The following CDH10 variants were observed in gnomAD, a reference collection of about 807,000 sequenced individuals.
The protein encoded by CDH10 is cadherin 10.
Under a neutral mutation model 73.1 loss-of-function variants are expected in CDH10, and 30 were observed. The observed-to-expected ratio is 0.41, with a 90% CI of 0.31 to 0.56. CDH10 has a LOEUF of 0.56. Ranked by LOEUF, CDH10 falls within the 20% of genes least tolerant of loss-of-function variation. The pLI is 0.27. For missense variants in CDH10, 815 were observed against 973.7 expected, an observed-to-expected ratio of 0.84 and a Z score of 2.17; for synonymous variants, 345 against 348.2, an observed-to-expected ratio of 0.99 and a Z score of 0.10.
At chr5:24,558,036 T>C (rs1339993842) in intron 2 of CDH10, among the ~76,000 whole-genome samples, 2 of 151,690 alleles carry the variant, frequency 1.3e-5, no homozygotes, top group Non-Finnish European at 3.0e-5. Context: ...CTATTAGAAT[T>C]CCAAGTGATA....
rs1744004843 is a variant in CDH10, at chr5:24,537,587, T to C, written c.319A>G (p.Lys107Glu). The C allele has an allele frequency of 1.2e-6, 2 of 1,609,974 alleles. No homozygotes were observed. Among genetic ancestry groups the C allele is most frequent in the East Asian group, 2.2e-5 (1 of 44,812 alleles). The change falls in exon 3 of 12, where the codon AAA becomes GAA. Residue 107 changes from lysine (K) to glutamate (E), a missense_variant. This residue lies in a region of CDH10 where 516 missense variants were observed against 636.6 expected (regional missense o/e 0.81). Coordinates refer to ENST00000264463, the MANE Select transcript of CDH10 (RefSeq NM_006727.5). ...GAGTLFIIDE[K>E]TGDIHATRRI... ...CTTGTGGCATGAATATCACCTGTTTTTTCATCAATAATAAAAAGAGTACCA... is the reference window on the plus strand; with the variant it reads ...CTTGTGGCATGAATATCACCTGTTTCTTCATCAATAATAAAAAGAGTACCA...
intron 1 of CDH10, among the ~76,000 whole-genome samples, chr5:24,610,513 A>G (rs1746907413): frequency 6.6e-6 from 1 of 152,188 alleles, no homozygotes; most frequent in South Asian, 2.1e-4. Context: ...CTCTATTTCA[A>G]AATACACATG....
intron 2 of CDH10, among the ~76,000 whole-genome samples, chr5:24,584,029 A>C (rs1003229561): frequency 6.6e-6 from 1 of 152,190 alleles, no homozygotes; most frequent in African/African-American, 2.4e-5. Context: ...CCATTTTTAC[A>C]ACTTTCTTGA....
chr5:24,510,833 T>G (rs1742877550), intron 6 of CDH10, among the ~76,000 whole-genome samples: 1 of 152,214 alleles, frequency 6.6e-6, no homozygotes, highest in African/African-American at 2.4e-5. Context: ...TGAGCATATG[T>G]TAGCAGAAGA....
chr5:24,545,317 T>C (rs545665937), intron 2 of CDH10, among the ~76,000 whole-genome samples: 4 of 152,352 alleles, frequency 2.6e-5, no homozygotes, highest in Admixed American at 1.3e-4. Context: ...CACAGGTGTC[T>C]AGGAAGTTGT....
intron 1 of CDH10, among the ~76,000 whole-genome samples, chr5:24,620,776 C>T (rs1465436916): frequency 6.6e-6 from 1 of 151,868 alleles, no homozygotes. Context: ...TAAGCGGTGC[C>T]CATACCAGTC....
chr5:24,573,464 G>T (rs1365358923), intron 2 of CDH10, among the ~76,000 whole-genome samples: 1 of 151,956 alleles, frequency 6.6e-6, no homozygotes, highest in East Asian at 1.9e-4. Context: ...CACTTTGGGA[G>T]GCCGAGGCAG....
chr5:24,618,967 A>T (rs1314927410), intron 1 of CDH10, among the ~76,000 whole-genome samples: 1 of 152,204 alleles, frequency 6.6e-6, no homozygotes, highest in Non-Finnish European at 1.5e-5. Context: ...AATGTGTTCT[A>T]TAGTATCATT....
rs530054050 is a variant in CDH10 at position 24,627,146 on chromosome 5, A to G, written c.-124+17448T>C. Among the ~76,000 whole-genome samples, 3 of 152,058 alleles carry G rather than the reference A, an allele frequency of 2.0e-5. No individual in the cohort carries two copies. The South Asian group carries it at 6.2e-4, about 32-fold the overall frequency. On this transcript the variant is annotated intron_variant, in intron 1 of 11. Coordinates refer to ENST00000264463, the MANE Select transcript of CDH10 (RefSeq NM_006727.5). ...CCAGTAACATTTTAAAAAGTAAACT[A>G]TTATATAATGCTAAAAGGATGACAT... is the stretch of plus-strand genomic sequence containing the variant.
chr5:24,573,423 C>G (rs1161682553), intron 2 of CDH10, among the ~76,000 whole-genome samples: 4 of 151,854 alleles, frequency 2.6e-5, no homozygotes, highest in Non-Finnish European at 4.4e-5. Context: ...AAAAGCAGGC[C>G]GGGCGCGGTG....
intron 8 of CDH10, among the ~76,000 whole-genome samples, chr5:24,500,999 C>T (rs974906525): frequency 1.6e-4 from 24 of 152,218 alleles, no homozygotes; most frequent in African/African-American, 5.5e-4. Flanking sequence ...ATACCCAGAG[C>T]CATGGGGTTC....
At chr5:24,554,117 G>GAGAGAGAGAGAGAGAGAGA (rs1377523348) in intron 2 of CDH10, 2 of 41,840 alleles carry the variant, frequency 4.8e-5, no homozygotes, top group African/African-American at 7.9e-5. Context: ...TGGGCGGGGG[G>GAGAGAGAGAGAGAGAGAGA]GGGAGAGAGA....
chr5:24,631,506 C>T (rs1258152737), intron 1 of CDH10, among the ~76,000 whole-genome samples: 2 of 151,946 alleles, frequency 1.3e-5, no homozygotes, highest in East Asian at 3.9e-4. Flanking sequence ...TCAGCCAGGT[C>T]TTTGGATTTG....
intron 1 of CDH10, among the ~76,000 whole-genome samples, chr5:24,636,846 G>C (rs1747883456): frequency 1.3e-5 from 2 of 151,868 alleles, no homozygotes; most frequent in African/African-American, 4.8e-5. Context: ...ATAACTGGCT[G>C]TTGCAAATTT....
intron 5 of CDH10, among the ~76,000 whole-genome samples, chr5:24,533,860 T>C (rs116549694): frequency 0.023 from 3,429 of 152,224 alleles, 107 homozygotes; most frequent in African/African-American, 0.072. Context: ...CTATGAGTTC[T>C]GGAGCCCAGC....
At chr5:24,609,367 G>A (rs1167245380) in intron 1 of CDH10, among the ~76,000 whole-genome samples, 1 of 152,134 alleles carries the variant, frequency 6.6e-6, no homozygotes, top group East Asian at 1.9e-4. Flanking sequence ...AGTAAGAAAT[G>A]GTTGATGAAA....
chr5:24,616,728 T>G (rs1387715350), intron 1 of CDH10, among the ~76,000 whole-genome samples: 1 of 152,144 alleles, frequency 6.6e-6, no homozygotes, highest in Non-Finnish European at 1.5e-5. Flanking sequence ...AGTAGGAGTA[T>G]CAAATTCATA....
chr5:24,606,064 G>C (rs1032052821), intron 1 of CDH10, among the ~76,000 whole-genome samples: 3 of 152,180 alleles, frequency 2.0e-5, no homozygotes, highest in African/African-American at 4.8e-5. Flanking sequence ...TTAATGTCTA[G>C]TCACCACAAA....
chr5:24,592,235 G>A (rs1746223683), intron 2 of CDH10, among the ~76,000 whole-genome samples: 1 of 151,796 alleles, frequency 6.6e-6, no homozygotes, highest in Non-Finnish European at 1.5e-5. Flanking sequence ...CAAAAACAGG[G>A]TTTTTAGAAG....
Sources: allele counts gnomAD v4.1 joint callset (sites outside exome capture counted in the v4.1 genomes callset), GRCh38; gene constraint gnomAD v4.1.1; regional missense constraint gnomAD v4.1.1; transcripts MANE v1.5; gene names NCBI Gene and HGNC (gene_info 2026-07-23, HGNC 2026-07-21).